Variants in DACH1 observed in about 807,000 individuals in gnomAD.
DACH1 encodes dachshund family transcription factor 1, also known as dachshund homolog 1.
A neutral mutation model predicts 54.2 loss-of-function variants in DACH1; 12 were observed. The ratio of observed to expected loss-of-function variants is 0.22; its 90% CI spans 0.14 to 0.36. The LOEUF (loss-of-function observed/expected upper bound fraction) is 0.36, where lower values mean the gene tolerates loss of function less well. Among genes scored for constraint, DACH1 ranks in the 10% least tolerant of loss-of-function variants. The pLI is 1.00. For synonymous variants in DACH1, 386 were observed against 366.2 expected (o/e 1.05, Z -0.62); for missense variants, 805 against 929.8 (o/e 0.87, Z 1.75).
At chr13:71,600,299 C>T (rs1223015084) in intron 3 of DACH1, among the ~76,000 whole-genome samples, 1 of 152,094 alleles carries the variant, frequency 6.6e-6, no homozygotes, top group Non-Finnish European at 1.5e-5. Context: ...AAGTTATATT[C>T]ATTCAGAAAT....
chr13:71,603,839 T>C (rs1335393189), intron 3 of DACH1, among the ~76,000 whole-genome samples: 1 of 151,964 alleles, frequency 6.6e-6, no homozygotes, highest in Non-Finnish European at 1.5e-5. Context: ...TTATGCTCCA[T>C]GTAAATAAAA....
At chr13:71,792,590 G>A (rs1463736468) in intron 1 of DACH1, among the ~76,000 whole-genome samples, 1 of 152,160 alleles carries the variant, frequency 6.6e-6, no homozygotes, top group Non-Finnish European at 1.5e-5. Flanking sequence ...AAATTGAGAT[G>A]TTAAATTGAG....
chr13:71,646,680 A>C (rs1878293154), intron 2 of DACH1, among the ~76,000 whole-genome samples: 1 of 152,236 alleles, frequency 6.6e-6, no homozygotes, highest in African/African-American at 2.4e-5. Context: ...AGTAATTCTT[A>C]TATACCATTT....
chr13:71,492,506 A>C (rs1879062273), intron 6 of DACH1, among the ~76,000 whole-genome samples: 1 of 152,134 alleles, frequency 6.6e-6, no homozygotes, highest in African/African-American at 2.4e-5. Flanking sequence ...AAGAGATAAA[A>C]AATGGCCCTT....
At chr13:71,757,463 TGTAATAATG>T (rs1885215348) in intron 1 of DACH1, among the ~76,000 whole-genome samples, 1 of 151,730 alleles carries the variant, frequency 6.6e-6, no homozygotes, top group Non-Finnish European at 1.5e-5. Context: ...CAGAAATGGG[TGTAATAATG>T]CCAATCTCAC....
chr13:71,659,237 T>C (rs1215657275), intron 2 of DACH1, among the ~76,000 whole-genome samples: 8 of 152,152 alleles, frequency 5.3e-5, no homozygotes, highest in Non-Finnish European at 1.0e-4. Flanking sequence ...ACAAAGAGTG[T>C]CATAATCATG....
At chr13:71,716,497 C>A (rs1392037503) in intron 1 of DACH1, among the ~76,000 whole-genome samples, 3 of 152,064 alleles carry the variant, frequency 2.0e-5, no homozygotes, top group Non-Finnish European at 4.4e-5. Flanking sequence ...CAGATCTAAT[C>A]CTTCTTCCTG....
rs780636794 is a variant in DACH1 at position 71,572,832 on chromosome 13, A to G, written c.1299+8T>C. The G allele has an allele frequency of 2.5e-6, 4 of 1,602,784 alleles. No homozygotes were observed. In the South Asian group the frequency reaches 4.5e-5, roughly 18 times the overall value. On this transcript the variant is annotated splice_region_variant and intron_variant, in intron 4 of 10. Coordinates refer to ENST00000613252, the MANE Select transcript of DACH1 (RefSeq NM_080759.6). ...CATGCCAAAATAATTGTATAAAAAA[A>G]GAATTACCTTAATAACTGATGTCTC...
intron 2 of DACH1, among the ~76,000 whole-genome samples, chr13:71,636,745 C>G (rs1051400008): frequency 6.6e-6 from 1 of 151,824 alleles, no homozygotes; most frequent in African/African-American, 2.4e-5. Flanking sequence ...CACTACCTGC[C>G]TTAAGTGGTG....
Position 71,803,146 on chromosome 13 carries a change from A to C in DACH1, c.848+62776T>G, listed in dbSNP as rs1192861579. On this transcript the variant is annotated intron_variant, in intron 1 of 10. Coordinates refer to ENST00000613252, the MANE Select transcript of DACH1 (RefSeq NM_080759.6). ...ATCAATAAAAAGTATTTATGGGAACAAGATACCAATTTAATATCTGAAAGC... is the reference window on the plus strand; with the variant it reads ...ATCAATAAAAAGTATTTATGGGAACCAGATACCAATTTAATATCTGAAAGC... Among the ~76,000 whole-genome samples, 4 of 152,162 alleles carry C rather than the reference A, an allele frequency of 2.6e-5. No individual in the cohort carries two copies. The East Asian group carries it at 7.7e-4, about 29-fold the overall frequency.
At chr13:71,805,933 G>T (rs768656382) in intron 1 of DACH1, among the ~76,000 whole-genome samples, 6 of 151,904 alleles carry the variant, frequency 3.9e-5, no homozygotes, top group Non-Finnish European at 8.8e-5. Context: ...TCAGCCTCCC[G>T]AGTAGCTGGG....
intron 1 of DACH1, among the ~76,000 whole-genome samples, chr13:71,696,242 CTAA>C (rs1254738720): frequency 6.6e-6 from 1 of 152,054 alleles, no homozygotes; most frequent in South Asian, 2.1e-4. Flanking sequence ...ATCATGAGAT[CTAA>C]TAATAACTGA....
chr13:71,612,800 T>G (rs892369670), intron 3 of DACH1, among the ~76,000 whole-genome samples: 5 of 152,200 alleles, frequency 3.3e-5, no homozygotes, highest in African/African-American at 1.2e-4. Context: ...GAAGGAAATA[T>G]TCTATTGGAA....
At chr13:71,637,440 G>C (rs936464386) in intron 2 of DACH1, among the ~76,000 whole-genome samples, 1 of 152,084 alleles carries the variant, frequency 6.6e-6, no homozygotes, top group Non-Finnish European at 1.5e-5. Flanking sequence ...AACAGCATAG[G>C]GTGAGAATGT....
At chr13:71,829,847 T>G (rs1159565399) in intron 1 of DACH1, among the ~76,000 whole-genome samples, 2 of 151,912 alleles carry the variant, frequency 1.3e-5, no homozygotes, top group Non-Finnish European at 2.9e-5. Context: ...CTTATGTACT[T>G]TCTATTTGAG....
chr13:71,632,403 C>T lies in DACH1; in HGVS notation c.965-1686G>A, dbSNP rs1490695522. ...TTAAGTCTATGAGAAGATAAATATC[C>T]CCAACCCCACCCATTTTTTTTTTTT... On this transcript the variant is annotated intron_variant, in intron 2 of 10. Transcript: ENST00000613252. Among the ~76,000 whole-genome samples, 6 of 147,204 alleles carry T rather than the reference C, an allele frequency of 4.1e-5. No individual in the cohort carries two copies. The East Asian group carries it at 1.2e-3, about 29-fold the overall frequency.
At chr13:71,838,424 T>C (rs1888881158) in intron 1 of DACH1, among the ~76,000 whole-genome samples, 1 of 152,174 alleles carries the variant, frequency 6.6e-6, no homozygotes, top group Non-Finnish European at 1.5e-5. Context: ...AACAAAAATA[T>C]TTTGGCACAT....
intron 1 of DACH1, among the ~76,000 whole-genome samples, chr13:71,751,099 A>G (rs1457816795): frequency 6.6e-6 from 1 of 152,202 alleles, no homozygotes; most frequent in African/African-American, 2.4e-5. Context: ...ACCCTTCTGT[A>G]TGGAAGGAGG....
chr13:71,529,881 G>A (rs1394634153), intron 6 of DACH1, among the ~76,000 whole-genome samples: 2 of 152,082 alleles, frequency 1.3e-5, no homozygotes, highest in Admixed American at 1.3e-4. Flanking sequence ...TAGGAAAATG[G>A]CCATTAGAGT....
Sources: gnomAD v4.1 joint callset for allele counts (sites outside exome capture counted in the v4.1 genomes callset) on GRCh38, gnomAD v4.1.1 for gene constraint, MANE v1.5 for transcripts, NCBI Gene and HGNC (gene_info 2026-07-23, HGNC 2026-07-21) for gene names.